Variants in CCDC85C observed in about 807,000 individuals in gnomAD.
The protein encoded by CCDC85C is coiled-coil domain containing 85C, also known as coiled-coil domain-containing protein 85C.
A neutral mutation model predicts 38.3 loss-of-function variants in CCDC85C; 18 were observed. The ratio of observed to expected loss-of-function variants is 0.47; its 90% confidence interval spans 0.33 to 0.70. The LOEUF (loss-of-function observed/expected upper bound fraction) is 0.70, where lower values mean the gene tolerates loss of function less well. Ranked by LOEUF, CCDC85C falls within the 30% of genes least tolerant of loss-of-function variation. The pLI, the probability that CCDC85C is intolerant of heterozygous loss-of-function variation, is 0.03. For synonymous variants in CCDC85C, 264 were observed against 293.8 expected (o/e 0.90, Z 1.04); for missense variants, 566 against 621.2 (o/e 0.91, Z 0.94).
In CCDC85C at chr14:99,501,480, C is replaced by T; in HGVS notation, c.*13766G>A. 1 of 1,039,446 alleles carries T rather than the reference C, an allele frequency of 9.6e-7. No homozygotes were observed. Among genetic ancestry groups the T allele is most frequent in the South Asian group, 1.3e-5 (1 of 76,506 alleles). The allele number at this position is 1,039,446 out of a possible 1,614,324, so 64.4% of individuals were successfully genotyped here. A position where few individuals can be genotyped will look rare whatever the true frequency, so the allele number is the denominator to read the frequency against. On this transcript the variant is annotated 3_prime_UTR_variant, in exon 6 of 6. Coordinates refer to ENST00000380243, the MANE Select transcript of CCDC85C (RefSeq NM_001144995.2). ...TAGGCAGAGACTTTATGGACCATTT[C>T]ATCTAAACCCCTCATTTTGTGTCAG... is the stretch of plus-strand genomic sequence containing the variant.
At chr14:99,525,831 C>T (rs572507434) in intron 2 of CCDC85C, among the ~76,000 whole-genome samples, 1 of 152,206 alleles carries the variant, frequency 6.6e-6, no homozygotes, top group African/African-American at 2.4e-5. Context: ...CCACCTGGCG[C>T]GACTCTGGAC....
chr14:99,572,107 G>A lies in CCDC85C; in HGVS notation c.793+31060C>T, dbSNP rs146347344. 6.6e-6 allele frequency among the ~76,000 whole-genome samples: 1 copy of A among 152,296 alleles called. No individual in the cohort carries two copies. The highest frequency in any genetic ancestry group is 1.5e-5 in the Non-Finnish European group (1 of 68,026). On this transcript the variant is annotated intron_variant, in intron 1 of 5. Coordinates refer to ENST00000380243, the MANE Select transcript of CCDC85C (RefSeq NM_001144995.2). The surrounding 1 kb of genome is among the most constrained non-coding windows in gnomAD (Gnocchi z 4.4). Reference sequence around the variant, plus strand: ...AGCACCCGCAAGTCTCTGGAAGGCAGCGGCAAGGGCCAGATTCCCCACATA... The same window carrying A: ...AGCACCCGCAAGTCTCTGGAAGGCAACGGCAAGGGCCAGATTCCCCACATA...
intron 1 of CCDC85C, among the ~76,000 whole-genome samples, chr14:99,595,222 CTCT>C (rs2055130441): frequency 6.6e-6 from 1 of 151,902 alleles, no homozygotes; most frequent in African/African-American, 2.4e-5. Flanking sequence ...CTTTGCTCGG[CTCT>C]TCTTTTTGTT....
chr14:99,591,630 A>C (rs1363505952), intron 1 of CCDC85C, among the ~76,000 whole-genome samples: 1 of 151,262 alleles, frequency 6.6e-6, no homozygotes, highest in Admixed American at 6.6e-5. Context: ...TGGGGCCACA[A>C]CTCCAGGGCC....
intron 1 of CCDC85C, among the ~76,000 whole-genome samples, chr14:99,579,000 G>T (rs909017026): frequency 6.6e-6 from 1 of 152,136 alleles, no homozygotes; most frequent in Admixed American, 6.5e-5. Context: ...CAACACTTCG[G>T]GCTGAGAACC....
chr14:99,560,679 G>A (rs955825008), intron 1 of CCDC85C, among the ~76,000 whole-genome samples: 1 of 152,240 alleles, frequency 6.6e-6, no homozygotes, highest in South Asian at 2.1e-4. Context: ...TGTACTCAAT[G>A]CACGCCTCCT....
In CCDC85C at chr14:99,510,558, C is replaced by G; in HGVS notation, c.*4688G>C. On this transcript the variant is annotated 3_prime_UTR_variant, in exon 6 of 6. Transcript: ENST00000380243. ...CATCCCACCCCCTACTCCTGGCTAC[C>G]CCCCACCCCCACCCACCTACAACCC... 3 of 373,756 alleles carry G rather than the reference C, an allele frequency of 8.0e-6. No individual in the cohort carries two copies. Among genetic ancestry groups the G allele is most frequent in the Non-Finnish European group, 1.4e-5 (3 of 208,608 alleles). 23.2% of individuals were successfully genotyped at this position (373,756 alleles called of 1,614,324 possible).
rs116296626 is a variant in CCDC85C at position 99,551,295 on chromosome 14, C to T, written c.794-15207G>A. On this transcript the variant is annotated intron_variant, in intron 1 of 5. Coordinates refer to ENST00000380243, the MANE Select transcript of CCDC85C (RefSeq NM_001144995.2). ...TATGCGCATCCTGCCAGAGGCCACA[C>T]GGGATTGGAGGCAGTGGGGGGAAGG... is the stretch of plus-strand genomic sequence containing the variant. Among the ~76,000 whole-genome samples the T allele has an allele frequency of 4.2e-3, 632 of 152,180 alleles. 1 individual carries two copies. The highest frequency in any genetic ancestry group is 0.015 in the African/African-American group (610 of 41,514).
In CCDC85C at chr14:99,503,250, GGTGTCGTTGCCGTGTCCTAGCA is replaced by G. The variant is rs1896885277; in HGVS notation, c.*11974_*11995del. 1.5e-6 allele frequency: 1 copy of G among 645,664 alleles called. No individual in the cohort carries two copies. The highest frequency in any genetic ancestry group is 1.8e-5 in the African/African-American group (1 of 55,594). 40.0% of individuals were successfully genotyped at this position (645,664 alleles called of 1,614,324 possible). ...CCCTGCCAGGGTTCTGAAGCCTGTC[GGTGTCGTTGCCGTGTCCTAGCA>G]GTGTCGTTGTGCATGCTGCTTCTGT... On this transcript the variant is annotated 3_prime_UTR_variant, in exon 6 of 6. Coordinates refer to ENST00000380243, the MANE Select transcript of CCDC85C (RefSeq NM_001144995.2).
intron 1 of CCDC85C, among the ~76,000 whole-genome samples, chr14:99,562,792 TACAC>T (rs1898142737): frequency 6.6e-6 from 1 of 151,902 alleles, no homozygotes; most frequent in African/African-American, 2.4e-5. Context: ...TGCCCACATG[TACAC>T]ACAAAGGCAC....
rs970689695 is a variant in CCDC85C at position 99,572,647 on chromosome 14, C to G, written c.793+30520G>C. On this transcript the variant is annotated intron_variant, in intron 1 of 5. Transcript: ENST00000380243. This position sits in a 1 kb window ranked among gnomAD's most constrained non-coding sequence, Gnocchi z 4.4. ...GGACGACAGCTGCTTATCATCCAAGCCCCAGGTGACCTGGCCCCTCCTTAA... is the reference window on the plus strand; with the variant it reads ...GGACGACAGCTGCTTATCATCCAAGGCCCAGGTGACCTGGCCCCTCCTTAA... The G allele has an allele frequency of 2.1e-4, 95 of 455,648 alleles. 1 individual carries two copies. The Admixed American group carries it at 2.2e-3, about 11-fold the overall frequency. The allele number at this position is 455,648 out of a possible 1,614,324, so 28.2% of individuals were successfully genotyped here.
At chr14:99,583,195 C>T (rs1273856152) in intron 1 of CCDC85C, 2 of 152,024 alleles carry the variant, frequency 1.3e-5, no homozygotes, top group Non-Finnish European at 2.9e-5. Flanking sequence ...CTCTAAAAAA[C>T]AAAGTTTATT....
intron 1 of CCDC85C, among the ~76,000 whole-genome samples, chr14:99,591,700 C>CCATACTCA (rs1217989374): frequency 9.9e-5 from 15 of 151,772 alleles, no homozygotes; most frequent in African/African-American, 3.4e-4. Context: ...AGCCCCGACT[C>CCATACTCA]CATACTCAGG....
chr14:99,550,689 A>C (rs1276585356), intron 1 of CCDC85C, among the ~76,000 whole-genome samples: 2 of 152,248 alleles, frequency 1.3e-5, no homozygotes, highest in Non-Finnish European at 2.9e-5. Flanking sequence ...AAGCCCTGGC[A>C]TAGGACCTGG....
At position 99,514,964 on chromosome 14, in the gene CCDC85C, G is replaced by T. The variant is rs539722258; in HGVS notation, c.*282C>A. ...CAGCCTGCAGCCTCTTGCTCATGGA[G>T]CCCAGGGCCCAGAGGGGGAATGAGG... On this transcript the variant is annotated 3_prime_UTR_variant, in exon 6 of 6. Transcript: ENST00000380243. 1.4e-4 allele frequency: 49 copies of T among 342,176 alleles called. No homozygotes were observed. In the South Asian group the frequency reaches 1.7e-3, roughly 12 times the overall value. 21.2% of individuals were successfully genotyped at this position (342,176 alleles called of 1,614,324 possible). A position where few individuals can be genotyped will look rare whatever the true frequency, so the allele number is the denominator to read the frequency against.
chr14:99,553,118 G>A (rs964361929), intron 1 of CCDC85C, among the ~76,000 whole-genome samples: 6 of 152,152 alleles, frequency 3.9e-5, no homozygotes, highest in African/African-American at 1.4e-4. Flanking sequence ...GTGTGACCTC[G>A]CACCAGTGAC....
rs142316560 is a variant in CCDC85C, at chr14:99,517,165, G to A, written c.994C>T (p.Pro332Ser). ...GCAGAGGGGGGCGAGGGCAGCTCAGGTGCGGGGCAGGCCGGGCCCTGGGGA... is the reference window on the plus strand; with the variant it reads ...GCAGAGGGGGGCGAGGGCAGCTCAGATGCGGGGCAGGCCGGGCCCTGGGGA... ...SLQNGPACPA[P>S]ELPSPPSAGY... is the part of the protein sequence containing the mutation. Residue 332 changes from proline to serine, a missense_variant, in exon 4 of 6, where the codon CCT becomes TCT. Physicochemically the swap from Pro to Ser is moderately conservative, Grantham distance 74 (BLOSUM62 -1). Transcript: ENST00000380243. The A allele has an allele frequency of 1.9e-4, 300 of 1,548,550 alleles. 3 individuals carry two copies. The South Asian group carries it at 3.2e-3, about 17-fold the overall frequency.
rs776784723 is a variant in CCDC85C at position 99,568,246 on chromosome 14, C to CTTTTTTTTTTTT, written c.794-32159_794-32158insAAAAAAAAAAAA. On this transcript the variant is annotated intron_variant, in intron 1 of 5. Coordinates refer to ENST00000380243, the MANE Select transcript of CCDC85C (RefSeq NM_001144995.2). ...AGACACTCTCTGGAGGCCACCTGCC[C>CTTTTTTTTTTTT]TTTATTTTTTTTTTTTTTTTTTTTG... Among the ~76,000 whole-genome samples the CTTTTTTTTTTTT allele has an allele frequency of 5.2e-4, 60 of 114,474 alleles. 10 individuals carry two copies. The highest frequency in any genetic ancestry group is 7.2e-4 in the Non-Finnish European group (42 of 58,412). The allele number at this position is 114,474 out of a possible 152,430, so 75.1% of individuals were successfully genotyped here.
chr14:99,550,105 G>T (rs567022137), intron 1 of CCDC85C, among the ~76,000 whole-genome samples: 2 of 152,190 alleles, frequency 1.3e-5, no homozygotes, highest in African/African-American at 4.8e-5. Context: ...CTTGTGAACC[G>T]TAGTCAGCAG....
Sources: allele counts gnomAD v4.1 joint callset (sites outside exome capture counted in the v4.1 genomes callset), GRCh38; gene constraint gnomAD v4.1.1; non-coding constraint Gnocchi (gnomAD v3.1); transcripts MANE v1.5; gene names NCBI Gene and HGNC (gene_info 2026-07-23, HGNC 2026-07-21).